AP2B1: variants seen among roughly 807,000 people sequenced by gnomAD.
AP2B1 encodes AP-2 complex subunit beta.
A neutral mutation model predicts 102.0 loss-of-function variants in AP2B1; 23 were observed. That is an observed-to-expected ratio of 0.23 (90% CI 0.16 to 0.32). The LOEUF is 0.32. AP2B1 is among the 10% of genes least tolerant of loss of function. AP2B1 has a pLI of 1.00. For missense variants in AP2B1, 541 were observed against 1,157.4 expected (o/e 0.47, Z 7.73); for synonymous variants, 381 against 421.2 (o/e 0.90, Z 1.17).
chr17:35,592,550 T>C (rs1411481439), intron 1 of AP2B1, among the ~76,000 whole-genome samples: 1 of 151,888 alleles, frequency 6.6e-6, no homozygotes, highest in African/African-American at 2.4e-5. Context: ...TATTTATTTA[T>C]TTATTTATTT....
In AP2B1 at chr17:35,682,194, G is replaced by A. The variant is rs964920153; in HGVS notation, c.2325-501G>A. Among the ~76,000 whole-genome samples, 8 of 151,492 alleles carry A rather than the reference G, an allele frequency of 5.3e-5. No individual in the cohort carries two copies. In the East Asian group the frequency reaches 1.4e-3, roughly 26 times the overall value. ...CACTTAAACCTGGAAGTTGAGGGCT[G>A]TGGTGAGCTGAGCTGAAATCATGCC... On this transcript the variant is annotated intron_variant, in intron 17 of 21. Transcript: ENST00000610402.
In AP2B1 at chr17:35,600,503, C is replaced by T. The variant is rs191722612; in HGVS notation, c.143+2168C>T. 2.7e-3 allele frequency among the ~76,000 whole-genome samples: 411 copies of T among 151,736 alleles called. 4 individuals carry two copies. Among genetic ancestry groups the T allele is most frequent in the African/African-American group, 9.3e-3 (386 of 41,338 alleles). ...ATTATTTCCTTTTCCGAGTTATATA[C>T]GTGTATGAAGCTGGATTTTCTTCTT... On this transcript the variant is annotated intron_variant, in intron 3 of 21. Coordinates refer to ENST00000610402, the MANE Select transcript of AP2B1 (RefSeq NM_001030006.2).
At chr17:35,686,227 T>C (rs2075928089) in intron 18 of AP2B1, among the ~76,000 whole-genome samples, 1 of 152,266 alleles carries the variant, frequency 6.6e-6, no homozygotes, top group East Asian at 1.9e-4. Context: ...AGCTTGCTCC[T>C]ACTGGGAGCC....
At chr17:35,722,615 T>C (rs868951495) in intron 21 of AP2B1, among the ~76,000 whole-genome samples, 1 of 152,286 alleles carries the variant, frequency 6.6e-6, no homozygotes, top group South Asian at 2.1e-4. Flanking sequence ...ACTTTTGCAC[T>C]ATGTTAAATT....
chr17:35,619,288 T>C (rs1188767566), intron 5 of AP2B1, among the ~76,000 whole-genome samples: 3 of 152,240 alleles, frequency 2.0e-5, no homozygotes, highest in Non-Finnish European at 4.4e-5. Flanking sequence ...TATTCCAGTC[T>C]TTTATCTCTG....
intron 3 of AP2B1, among the ~76,000 whole-genome samples, chr17:35,603,160 GACCATTGTATAT>G (rs2073546697): frequency 6.6e-6 from 1 of 152,056 alleles, no homozygotes. Flanking sequence ...GTGTATATAG[GACCATTGTATAT>G]ACCCTGTGAC....
chr17:35,607,476 T>C (rs9907911), intron 4 of AP2B1, among the ~76,000 whole-genome samples: 3,323 of 152,332 alleles, frequency 0.022, 128 homozygotes, highest in African/African-American at 0.075. Flanking sequence ...GTTAGAGTTG[T>C]GCATAGATTT....
At chr17:35,597,252 A>G (rs2073321066) in intron 2 of AP2B1, 1 of 349,196 alleles carries the variant, frequency 2.9e-6, no homozygotes, top group Non-Finnish European at 5.3e-6. Flanking sequence ...ATGTAGATGG[A>G]AAGTTGAGAT....
At position 35,615,374 on chromosome 17, in the gene AP2B1, G is replaced by A. The variant is rs114297042; in HGVS notation, c.525+6987G>A. ...CTTAATAAACTGCAGCTATTCTTGA[G>A]GAAGTGGCCTAACATTATGCACCTT... is the stretch of plus-strand genomic sequence containing the variant. On this transcript the variant is annotated intron_variant, in intron 5 of 21. Transcript: ENST00000610402. 6.4e-3 allele frequency among the ~76,000 whole-genome samples: 974 copies of A among 152,296 alleles called. 9 individuals carry two copies. The highest frequency in any genetic ancestry group is 0.022 in the African/African-American group (927 of 41,544).
rs1198010497 is a variant in AP2B1 at position 35,687,308 on chromosome 17, C to T, written c.2454+4484C>T. On this transcript the variant is annotated intron_variant, in intron 18 of 21. Transcript: ENST00000610402. ...TATTTTTTAAAATTTTTTGTAGAGA[C>T]GGGGTCTCTCCATGTTGCCTAGGCT... Among the ~76,000 whole-genome samples, 5 of 151,890 alleles carry T rather than the reference C, an allele frequency of 3.3e-5. 1 individual carries two copies. The South Asian group carries it at 6.2e-4, about 19-fold the overall frequency.
chr17:35,613,815 G>A lies in AP2B1; in HGVS notation c.525+5428G>A, dbSNP rs1325831715. Among the ~76,000 whole-genome samples, 6 of 152,194 alleles carry A rather than the reference G, an allele frequency of 3.9e-5. No homozygotes were observed. In the South Asian group the frequency reaches 1.0e-3, roughly 26 times the overall value. On this transcript the variant is annotated intron_variant, in intron 5 of 21. Transcript: ENST00000610402. ...CCTTTAATATTTGTATGGACTATCT[G>A]TTCCAAGGGAATTAAACTTGTCGTC... is the stretch of plus-strand genomic sequence containing the variant.
chr17:35,721,168 G>A (rs1568066148), intron 21 of AP2B1, among the ~76,000 whole-genome samples: 2 of 152,160 alleles, frequency 1.3e-5, no homozygotes, highest in Non-Finnish European at 2.9e-5. Context: ...ATTTTATTAA[G>A]AAGATAGGTT....
At chr17:35,695,708 T>G (rs587758785) in intron 18 of AP2B1, among the ~76,000 whole-genome samples, 44 of 152,258 alleles carry the variant, frequency 2.9e-4, no homozygotes, top group Non-Finnish European at 5.7e-4. Context: ...CTATATAGTT[T>G]CAGTTGCCAG....
In AP2B1 at chr17:35,627,521, G is replaced by A; in HGVS notation, c.1059+16G>A. On this transcript the variant is annotated intron_variant, in intron 8 of 21. Coordinates refer to ENST00000610402, the MANE Select transcript of AP2B1 (RefSeq NM_001030006.2). ...CATTGCTCAGGTCAGACTTTATGCA[G>A]ACTCAAGTTGATGATGATTTAGCTC... is the stretch of plus-strand genomic sequence containing the variant. 6.2e-7 allele frequency: 1 copy of A among 1,613,920 alleles called. No homozygotes were observed. The highest frequency in any genetic ancestry group is 8.5e-7 in the Non-Finnish European group (1 of 1,179,928).
At chr17:35,673,271 C>T (rs563327733) in intron 16 of AP2B1, among the ~76,000 whole-genome samples, 4 of 152,186 alleles carry the variant, frequency 2.6e-5, no homozygotes, top group African/African-American at 9.6e-5. Context: ...AGTGCAGTGG[C>T]GTGATCTTGG....
chr17:35,675,831 TAAAAA>T (rs546290814), intron 17 of AP2B1, among the ~76,000 whole-genome samples: 1 of 151,914 alleles, frequency 6.6e-6, no homozygotes, highest in Admixed American at 6.6e-5. Flanking sequence ...CTCTAATCGT[TAAAAA>T]AAATCATCAA....
chr17:35,654,229 T>A (rs78407760), intron 13 of AP2B1, among the ~76,000 whole-genome samples: 1,942 of 151,904 alleles, frequency 0.013, 48 homozygotes, highest in African/African-American at 0.045. Context: ...TCCTAGCTAA[T>A]TTTTTTGTAT....
intron 5 of AP2B1, among the ~76,000 whole-genome samples, chr17:35,614,655 TAA>T (rs3031833): frequency 1.1e-4 from 10 of 93,168 alleles, no homozygotes; most frequent in Non-Finnish European, 1.4e-4. Flanking sequence ...GTTGAATTAG[TAA>T]AAAAAAAAAA....
At chr17:35,604,739 C>T (rs892094518) in intron 3 of AP2B1, among the ~76,000 whole-genome samples, 2 of 151,960 alleles carry the variant, frequency 1.3e-5, no homozygotes, top group African/African-American at 4.8e-5. Context: ...GCCTGGGCGA[C>T]AGAGTGAGAC....
Sources: gnomAD v4.1 joint callset for allele counts (sites outside exome capture counted in the v4.1 genomes callset) on GRCh38, gnomAD v4.1.1 for gene constraint, MANE v1.5 for transcripts, NCBI Gene and HGNC (gene_info 2026-07-23, HGNC 2026-07-21) for gene names.